CLASRP: variants seen among roughly 807,000 people sequenced by gnomAD.
CLASRP encodes CLK4-associating serine/arginine rich protein.
A neutral mutation model predicts 99.9 loss-of-function variants in CLASRP; 52 were observed. That is an observed-to-expected ratio of 0.52 (90% CI 0.42 to 0.66). The LOEUF (loss-of-function observed/expected upper bound fraction) is 0.66, where lower values mean the gene tolerates loss of function less well. Ranked by LOEUF, CLASRP falls within the 30% of genes least tolerant of loss-of-function variation. The probability of loss-of-function intolerance (pLI) is 0.00; values close to 1 mark genes in which losing one functional copy is unlikely to be tolerated. For missense variants in CLASRP, 848 were observed against 999.2 expected (o/e 0.85, Z 2.04); for synonymous variants, 379 against 373.0 (o/e 1.02, Z -0.18).
chr19:45,048,110 CAAAT>C (rs1225742319), intron 2 of CLASRP, among the ~76,000 whole-genome samples: 2 of 151,798 alleles, frequency 1.3e-5, no homozygotes, highest in African/African-American at 2.4e-5. Flanking sequence ...TCTTAAAAAG[CAAAT>C]AAATAAAAAG....
At chr19:45,040,862 G>A (rs1234256782) in intron 2 of CLASRP, 2 of 152,948 alleles carry the variant, frequency 1.3e-5, no homozygotes, top group African/African-American at 4.8e-5. Context: ...TACTTGGGAG[G>A]CTGACGCACG....
At chr19:45,050,081 G>T (rs990040937) in intron 2 of CLASRP, among the ~76,000 whole-genome samples, 22 of 152,056 alleles carry the variant, frequency 1.4e-4, no homozygotes, top group Admixed American at 1.4e-3. Flanking sequence ...GAAGCACGGG[G>T]CATGTCTGGA....
chr19:45,062,184 C>T lies in CLASRP; in HGVS notation c.894C>T (p.Asp298=), dbSNP rs1484110007. Residue 298 remains aspartate, a synonymous_variant, in exon 11 of 21, where the codon GAC becomes GAT. Transcript: ENST00000221455. ...CCCGCCGAGACAGCCCCACCTATGA[C>T]CCCTATAAGCGGTAAGTTGCTCTGG... ...SYARRDSPTY[D]PYKRSPSESS... The T allele has an allele frequency of 9.7e-6, 15 of 1,541,984 alleles. No homozygotes were observed. Among genetic ancestry groups the T allele is most frequent in the Non-Finnish European group, 1.2e-5 (13 of 1,114,404 alleles).
At chr19:45,063,641 G>A (rs1966994440) in intron 11 of CLASRP, among the ~76,000 whole-genome samples, 2 of 151,372 alleles carry the variant, frequency 1.3e-5, no homozygotes, top group Admixed American at 6.6e-5. Context: ...GTAGAGACAG[G>A]GTTTTGCCTT....
Position 45,060,380 on chromosome 19 carries a change from C to A in CLASRP, c.711-9C>A, listed in dbSNP as rs769757438. Reference sequence around the variant, plus strand: ...CATCCTCCACCCTAATTCTCACCCACCTCTATAGGATGCTCCGGAAAGACA... The same window carrying A: ...CATCCTCCACCCTAATTCTCACCCAACTCTATAGGATGCTCCGGAAAGACA... On this transcript the variant is annotated splice_polypyrimidine_tract_variant and intron_variant, in intron 8 of 20. Transcript: ENST00000221455. The surrounding 1 kb of genome is among the most constrained non-coding windows in gnomAD (Gnocchi z 4.6). The A allele has an allele frequency of 1.2e-6, 2 of 1,613,806 alleles. No homozygotes were observed. Among genetic ancestry groups the A allele is most frequent in the Non-Finnish European group, 1.7e-6 (2 of 1,179,718 alleles).
Position 45,052,852 on chromosome 19 carries a change from G to A in CLASRP, c.259G>A (p.Asp87Asn). The change falls in exon 4 of 21, where the codon GAC becomes AAC. Residue 87 changes from aspartate to asparagine, a missense_variant. Around this residue, in one of 8 missense-constraint regions of CLASRP, gnomAD observed 46 missense variants for 96.8 expected, o/e 0.48. Coordinates refer to ENST00000221455, the MANE Select transcript of CLASRP (RefSeq NM_007056.3). ...IDRFDVRAHL[D>N]HIPDYTPPLL... ...CCGATTCGATGTCCGTGCCCACCTG[G>A]ACCACATCCCCGACTACACCCCCCC... 6.2e-7 allele frequency: 1 copy of A among 1,612,452 alleles called. No homozygotes were observed. Among genetic ancestry groups the A allele is most frequent in the Non-Finnish European group, 8.5e-7 (1 of 1,179,362 alleles).
chr19:45,070,587 T>TTCTTGG, intron 20 of CLASRP, 26 bp downstream of exon 20: 1 of 1,605,042 alleles, frequency 6.2e-7, no homozygotes. Context: ...ACCCTCCACT[T>TTCTTGG]TCTTGGAAGT....
intron 7 of CLASRP, among the ~76,000 whole-genome samples, chr19:45,058,409 T>C (rs561737549): frequency 6.6e-6 from 1 of 152,200 alleles, no homozygotes; most frequent in Admixed American, 6.6e-5. Flanking sequence ...ATTTTTGAGA[T>C]GGAGTCTTGC....
At position 45,070,935 on chromosome 19, in the gene CLASRP, A is replaced by G; in HGVS notation, c.*90A>G. On this transcript the variant is annotated 3_prime_UTR_variant, in exon 21 of 21. Coordinates refer to ENST00000221455, the MANE Select transcript of CLASRP (RefSeq NM_007056.3). The stretch of plus-strand genomic sequence containing the variant: ...GTTTTATCTCTAGTGAAATAAAGTC[A>G]AAAGTTATTTAATTCCCGTCACCTG... 1.2e-6 allele frequency: 1 copy of G among 837,570 alleles called. No individual in the cohort carries two copies. Among genetic ancestry groups the G allele is most frequent in the Admixed American group, 2.4e-5 (1 of 41,170 alleles). The allele number at this position is 837,570 out of a possible 1,614,324, so 51.9% of individuals were successfully genotyped here.
intron 19 of CLASRP, 122 bp downstream of exon 19, chr19:45,070,226 G>A (rs544530944): frequency 1.4e-6 from 1 of 714,852 alleles, no homozygotes; most frequent in African/African-American, 1.7e-5. Flanking sequence ...CAGCACTTTG[G>A]GAGGCTGAGG....
intron 18 of CLASRP, chr19:45,069,573 C>T (rs1361441678): frequency 1.9e-6 from 1 of 523,978 alleles, no homozygotes. Flanking sequence ...GGGTCTTTCT[C>T]CTGTCCCAGC....
Position 45,069,673 on chromosome 19 carries a change from G to A in CLASRP, c.1875-349G>A, listed in dbSNP as rs531286419. 44 of 439,350 alleles carry A rather than the reference G, an allele frequency of 1.0e-4. No homozygotes were observed. In the Admixed American group the frequency reaches 1.4e-3, roughly 14 times the overall value. The allele number at this position is 439,350 out of a possible 1,614,324, so 27.2% of individuals were successfully genotyped here. On this transcript the variant is annotated intron_variant, in intron 18 of 20. Coordinates refer to ENST00000221455, the MANE Select transcript of CLASRP (RefSeq NM_007056.3). ...ATTTGACAAGATCAAGGCCAGGCAC[G>A]GAGGAGGCACCCAGTAGACGTAGCC...
Position 45,046,950 on chromosome 19 carries a change from C to G in CLASRP, c.100-5121C>G, listed in dbSNP as rs892229922. On this transcript the variant is annotated intron_variant, in intron 2 of 20. Transcript: ENST00000221455. ...GCTGAGGCAGGAGAATCGCTTGAAC[C>G]CGGGAGGCAGAGATTGTGGTTAGCC... 9.2e-5 allele frequency among the ~76,000 whole-genome samples: 14 copies of G among 152,192 alleles called. No homozygotes were observed. In the East Asian group the frequency reaches 1.5e-3, roughly 17 times the overall value.
chr19:45,058,618 C>A (rs535621760), intron 7 of CLASRP, among the ~76,000 whole-genome samples: 1 of 152,254 alleles, frequency 6.6e-6, no homozygotes, highest in Non-Finnish European at 1.5e-5. Context: ...AACTCCTGAC[C>A]TCGTGATCCA....
Position 45,067,560 on chromosome 19 carries a change from G to C in CLASRP, c.1633G>C (p.Ala545Pro), listed in dbSNP as rs551256397. Residue 545 changes from alanine (A) to proline (P), a missense_variant, in exon 14 of 21, where the codon GCC becomes CCC. Transcript: ENST00000221455. The surrounding 1 kb of genome is among the most constrained non-coding windows in gnomAD (Gnocchi z 4.9). Reference sequence around the variant, plus strand: ...CGCAAGAGAGAAGCTGACCAGGCCGGCCGCGTCCCCTGCTGTGGGCGAGAA... The same window carrying C: ...CGCAAGAGAGAAGCTGACCAGGCCGCCCGCGTCCCCTGCTGTGGGCGAGAA... ...SPAREKLTRP[A>P]ASPAVGEKLK... 19 of 1,604,784 alleles carry C rather than the reference G, an allele frequency of 1.2e-5. No homozygotes were observed. The Middle Eastern group carries it at 6.6e-4, about 56-fold the overall frequency.
chr19:45,064,231 G>GGTAACGCTCA lies in CLASRP; in HGVS notation c.1121+5_1121+14dup. 6.3e-7 allele frequency: 1 copy of GGTAACGCTCA among 1,583,808 alleles called. No individual in the cohort carries two copies. The highest frequency in any genetic ancestry group is 8.6e-7 in the Non-Finnish European group (1 of 1,166,742). On this transcript the variant is annotated splice_donor_region_variant and intron_variant, in intron 12 of 20. Transcript: ENST00000221455. ...CGGGACGTAATGCCAGCGCCCGGTC[G>GGTAACGCTCA]GTAACGCTCACGCCGCCCGCCCTAC...
intron 2 of CLASRP, among the ~76,000 whole-genome samples, chr19:45,048,195 G>A (rs927373179): frequency 5.3e-5 from 8 of 151,880 alleles, no homozygotes; most frequent in East Asian, 1.9e-4. Context: ...TCAGGCAGGT[G>A]GACCCCATGG....
chr19:45,067,988 A>C lies in CLASRP; in HGVS notation c.1668-27A>C. 6.3e-7 allele frequency: 1 copy of C among 1,582,428 alleles called. No homozygotes were observed. The highest frequency in any genetic ancestry group is 8.7e-7 in the Non-Finnish European group (1 of 1,151,344). On this transcript the variant is annotated intron_variant, in intron 14 of 20. Coordinates refer to ENST00000221455, the MANE Select transcript of CLASRP (RefSeq NM_007056.3). This position sits in a 1 kb window ranked among gnomAD's most constrained non-coding sequence, Gnocchi z 4.9. ...CAGCTGCCCTTTCCCCCTCCCAACC[A>C]TGTCCTCTGGCCCTGCCCCCACCCA...
chr19:45,064,639 G>A lies in CLASRP; in HGVS notation c.1409+9G>A. 6.5e-7 allele frequency: 1 copy of A among 1,542,214 alleles called. No homozygotes were observed. The highest frequency in any genetic ancestry group is 2.4e-5 in the East Asian group (1 of 42,494). ...CCCCGGCGCAGAAGCAGGTGTGTGT[G>A]GCTGGGCGTGGAGGTGGGAGGGGCT... is the stretch of plus-strand genomic sequence containing the variant. On this transcript the variant is annotated intron_variant, in intron 13 of 20. Transcript: ENST00000221455.
Sources: gnomAD v4.1 joint callset for allele counts (sites outside exome capture counted in the v4.1 genomes callset) on GRCh38, gnomAD v4.1.1 for gene constraint, gnomAD v4.1.1 regional missense constraint, Gnocchi (gnomAD v3.1) non-coding constraint, MANE v1.5 for transcripts, NCBI Gene and HGNC (gene_info 2026-07-23, HGNC 2026-07-21) for gene names.